The following OR14I1 variants were observed in gnomAD, a reference collection of about 807,000 sequenced individuals.
OR14I1 encodes olfactory receptor family 14 subfamily I member 1, also known as olfactory receptor 14I1.
For synonymous variants in OR14I1, 118 were observed against 71.1 expected, an observed-to-expected ratio of 1.66 and a Z score of -3.32; for missense variants, 279 against 181.8, an observed-to-expected ratio of 1.53 and a Z score of -3.07.
Position 248,682,043 on chromosome 1 carries a change from T to TTC in OR14I1, c.260_261dup (p.Ser88GlufsTer47), listed in dbSNP as rs767368581. On this transcript the variant is annotated frameshift_variant, in exon 1 of 1. Coordinates refer to ENST00000342623, the Ensembl canonical transcript of OR14I1. LOFTEE classifies it low-confidence loss of function (END_TRUNC). ...ACACAGCCAAGATAAGAGATGGAGC[T>TTC]TCTGCGAGTCAGGGAGTTACGGATG... 3 of 780,992 alleles carry TTC rather than the reference T, an allele frequency of 3.8e-6. No homozygotes were observed. The East Asian group carries it at 7.3e-5, about 19-fold the overall frequency. 48.4% of individuals were successfully genotyped at this position (780,992 alleles called of 1,614,324 possible).
chr1:248,693,751 C>G, the OR14I1 span, among the ~76,000 whole-genome samples: 1 of 151,068 alleles, frequency 6.6e-6, no homozygotes, highest in East Asian at 1.9e-4. Flanking sequence ...AAACCCAGCC[C>G]CACTGATTTT....
At chr1:248,680,965 TGC>T (rs1295490944), downstream of OR14I1, among the ~76,000 whole-genome samples, 927 of 84,984 alleles carry the variant, frequency 0.011, 6 homozygotes, top group African/African-American at 0.034. Context: ...TAAAACTGTG[TGC>T]GTGTGTGTGT....
upstream of OR14I1, among the ~76,000 whole-genome samples, chr1:248,686,455 C>T (rs1484286069): frequency 1.3e-5 from 2 of 152,148 alleles, no homozygotes; most frequent in South Asian, 2.1e-4. Context: ...AAGAGCAACA[C>T]TGAGGAACAA....
At chr1:248,690,572 T>A in the OR14I1 span, among the ~76,000 whole-genome samples, 2 of 102,594 alleles carry the variant, frequency 1.9e-5, no homozygotes, top group East Asian at 3.3e-4. Flanking sequence ...AGTTCTGAAA[T>A]CCAGGCAGTA....
downstream of OR14I1, among the ~76,000 whole-genome samples, chr1:248,681,152 G>A (rs761267949): frequency 1.6e-4 from 25 of 151,886 alleles, no homozygotes; most frequent in Non-Finnish European, 3.2e-4. Flanking sequence ...TTTTATGAAG[G>A]TACTTTTATA....
chr1:248,701,541 ACT>A, the OR14I1 span, among the ~76,000 whole-genome samples: 1 of 152,186 alleles, frequency 6.6e-6, no homozygotes, highest in South Asian at 2.1e-4. Flanking sequence ...ACATTAAAAC[ACT>A]CTTGGTATTT....
At chr1:248,684,905 C>T (rs890250003), upstream of OR14I1, among the ~76,000 whole-genome samples, 1 of 151,794 alleles carries the variant, frequency 6.6e-6, no homozygotes, top group African/African-American at 2.4e-5. Context: ...AATATTTTAA[C>T]AGTTAAGATC....
rs781063081 is a variant in OR14I1 at position 248,681,499 on chromosome 1, T to C, written c.806A>G (p.Asp269Gly). ...TGTGTATGTCAGAGCAATCACTAAA[T>C]CCTGAATGGACAGAGCTTTTGCAAT... The change falls in exon 1 of 1, where the codon GAT (aspartate) becomes GGT (glycine). Residue 269 changes from aspartate to glycine, a missense_variant. Asp to Gly is a moderately conservative substitution (Grantham distance 94). Coordinates refer to ENST00000342623, the Ensembl canonical transcript of OR14I1. 5 of 781,044 alleles carry C rather than the reference T, an allele frequency of 6.4e-6. No individual in the cohort carries two copies. The South Asian group carries it at 6.7e-5, about 10-fold the overall frequency. 48.4% of individuals were successfully genotyped at this position (781,044 alleles called of 1,614,324 possible). A position where few individuals can be genotyped will look rare whatever the true frequency, so the allele number is the denominator to read the frequency against.
At chr1:248,699,920 G>A in the OR14I1 span, among the ~76,000 whole-genome samples, 1 of 152,050 alleles carries the variant, frequency 6.6e-6, no homozygotes, top group Non-Finnish European at 1.5e-5. Context: ...ACCACGCCCA[G>A]CTAATTTTTT....
chr1:248,678,363 T>A (rs61834342), downstream of OR14I1, among the ~76,000 whole-genome samples: 22,208 of 152,166 alleles, frequency 0.15, 1,739 homozygotes, highest in African/African-American at 0.19. Context: ...GATAGACCAT[T>A]TCACAGATCA....
chr1:248,681,595 G>A (rs1463000945), exon 1 of OR14I1: 3 of 781,026 alleles, frequency 3.8e-6, no homozygotes, highest in Admixed American at 1.7e-5. Context: ...GGAGCAGGTG[G>A]AGAAGGCTTT....
downstream of OR14I1, among the ~76,000 whole-genome samples, chr1:248,678,226 A>G (rs544800501): frequency 1.3e-5 from 2 of 152,362 alleles, no homozygotes; most frequent in South Asian, 4.1e-4. Flanking sequence ...TAAATAAGCT[A>G]AGGTATCTAA....
At chr1:248,689,746 A>T in the OR14I1 span, among the ~76,000 whole-genome samples, 1 of 152,130 alleles carries the variant, frequency 6.6e-6, no homozygotes, top group Non-Finnish European at 1.5e-5. Flanking sequence ...CGTCTACAGA[A>T]CTCTCTACCT....
upstream of OR14I1, among the ~76,000 whole-genome samples, chr1:248,686,791 C>T (rs74154550): frequency 6.8e-3 from 809 of 119,840 alleles, 59 homozygotes; most frequent in African/African-American, 0.022. Context: ...TGTAGCTTCT[C>T]AATATGTATT....
At chr1:248,702,731 A>G in the OR14I1 span, among the ~76,000 whole-genome samples, 1 of 152,050 alleles carries the variant, frequency 6.6e-6, no homozygotes, top group Non-Finnish European at 1.5e-5. Flanking sequence ...CAAAGCCAGA[A>G]TGATGTGGGC....
At chr1:248,699,259 G>A in the OR14I1 span, 2 of 152,130 alleles carry the variant, frequency 1.3e-5, no homozygotes, top group Admixed American at 1.3e-4. Context: ...TGCCTTTAAG[G>A]TCCCAAAGCA....
chr1:248,701,402 C>T, the OR14I1 span, among the ~76,000 whole-genome samples: 3 of 152,180 alleles, frequency 2.0e-5, no homozygotes, highest in Non-Finnish European at 2.9e-5. Context: ...GATCCATCCA[C>T]CTCAGTCTCC....
At chr1:248,682,471 A>C (rs1661584708), upstream of OR14I1, among the ~76,000 whole-genome samples, 1 of 152,248 alleles carries the variant, frequency 6.6e-6, no homozygotes, top group South Asian at 2.1e-4. Context: ...GAGATTTTTA[A>C]CATGGAAAGA....
chr1:248,695,884 A>C, the OR14I1 span, among the ~76,000 whole-genome samples: 368 of 152,344 alleles, frequency 2.4e-3, no homozygotes, highest in Non-Finnish European at 3.0e-3. Flanking sequence ...ATGACCTAAA[A>C]GGTTTGGAAT....
Sources: gnomAD v4.1 joint callset for allele counts (sites outside exome capture counted in the v4.1 genomes callset) on GRCh38, gnomAD v4.1.1 for gene constraint, MANE v1.5 for transcripts, NCBI Gene and HGNC (gene_info 2026-07-23, HGNC 2026-07-21) for gene names.